Variants in LYPD1 observed in about 807,000 individuals in gnomAD.
LYPD1 encodes the protein LY6/PLAUR domain containing 1, also known as ly6/PLAUR domain-containing protein 1.
In LYPD1, 14 loss-of-function variants were observed where a neutral mutation model predicts 14.2. The observed-to-expected ratio is 0.99, with a 90% CI of 0.65 to 1.54. LYPD1 has a LOEUF of 1.54. LYPD1 is among the 40% of genes most tolerant of loss of function. The pLI, the probability that LYPD1 is intolerant of heterozygous loss-of-function variation, is 0.00. For synonymous variants in LYPD1, 85 were observed against 70.6 expected (o/e 1.20, Z -1.02); for missense variants, 165 against 175.7 (o/e 0.94, Z 0.34).
At chr2:132,655,036 T>C (rs1682508370) in intron 2 of LYPD1, among the ~76,000 whole-genome samples, 1 of 152,048 alleles carries the variant, frequency 6.6e-6, no homozygotes, top group African/African-American at 2.4e-5. Flanking sequence ...CCGGCCTCTC[T>C]CTCCCTTTTT....
chr2:132,669,259 C>G lies in LYPD1; in HGVS notation c.52+622G>C, dbSNP rs184871335. Among the ~76,000 whole-genome samples, 5 of 152,168 alleles carry G rather than the reference C, an allele frequency of 3.3e-5. No individual in the cohort carries two copies. Among genetic ancestry groups the G allele is most frequent in the Admixed American group, 3.3e-4 (5 of 15,278 alleles). On this transcript the variant is annotated intron_variant, in intron 1 of 2. Transcript: ENST00000397463. The surrounding 1 kb of genome is among the most constrained non-coding windows in gnomAD (Gnocchi z 4.3). The stretch of plus-strand genomic sequence containing the variant: ...GGCCCCGGCTTTCAGGACAACCGTT[C>G]GACTAGGGTCAGTGGTCGGGGTTCC...
At chr2:132,657,290 T>G (rs1235389790) in intron 2 of LYPD1, among the ~76,000 whole-genome samples, 1 of 152,222 alleles carries the variant, frequency 6.6e-6, no homozygotes, top group Non-Finnish European at 1.5e-5. Flanking sequence ...TCACTTGCTT[T>G]CCCTTAGCTG....
intron 2 of LYPD1, among the ~76,000 whole-genome samples, chr2:132,653,382 T>C (rs555622858): frequency 6.6e-6 from 1 of 152,308 alleles, no homozygotes; most frequent in Admixed American, 6.5e-5. Context: ...TAAATAATGA[T>C]AGTATTGGAT....
intron 2 of LYPD1, among the ~76,000 whole-genome samples, chr2:132,654,437 A>C (rs560133391): frequency 6.6e-6 from 1 of 151,680 alleles, no homozygotes; most frequent in Admixed American, 6.6e-5. Flanking sequence ...TGTGGGAAAA[A>C]TCTCCATGTT....
At chr2:132,671,058 G>GATT (rs1248660280), upstream of LYPD1, 1 of 152,536 alleles carries the variant, frequency 6.6e-6, no homozygotes, top group Non-Finnish European at 1.5e-5. Context: ...CAAAGCCACC[G>GATT]ATTATTAGCA....
At chr2:132,663,687 T>A (rs904130141) in intron 2 of LYPD1, among the ~76,000 whole-genome samples, 1 of 152,170 alleles carries the variant, frequency 6.6e-6, no homozygotes, top group Non-Finnish European at 1.5e-5. Flanking sequence ...CCCATCTGAT[T>A]GATTCAAAAT....
In LYPD1 at chr2:132,646,238, A is replaced by G; in HGVS notation, c.233T>C (p.Leu78Pro). The change falls in exon 3 of 3, where the codon CTC (leucine) becomes CCC (proline). Residue 78 changes from leucine (L) to proline (P), a missense_variant. Physicochemically the swap from Leu to Pro is moderately conservative, Grantham distance 98. Transcript: ENST00000397463. Reference protein sequence around the residue: ...RKSCASSAACLIASAGYQSFC... With the variant: ...RKSCASSAACPIASAGYQSFC... ...GGACTGGTACCCGGCAGAGGCGATG[A>G]GACAGGCCGCTGATGATGCACAGGA... 6.3e-7 allele frequency: 1 copy of G among 1,584,824 alleles called. No individual in the cohort carries two copies. The highest frequency in any genetic ancestry group is 1.2e-5 in the South Asian group (1 of 86,666).
At position 132,646,256 on chromosome 2, in the gene LYPD1, G is replaced by A; in HGVS notation, c.215C>T (p.Ala72Val). ...SAGIMYRKSC[A>V]SSAACLIASA... ...GGCGATGAGACAGGCCGCTGATGAT[G>A]CACAGGACTTGCGGTACATGATCCC... Residue 72 changes from alanine (A) to valine (V), a missense_variant, in exon 3 of 3, where the codon GCA becomes GTA. Physicochemically the swap from Ala to Val is moderately conservative, Grantham distance 64. Transcript: ENST00000397463. 1.3e-6 allele frequency: 2 copies of A among 1,566,064 alleles called. No homozygotes were observed. The highest frequency in any genetic ancestry group is 1.7e-6 in the Non-Finnish European group (2 of 1,153,016).
Position 132,669,675 on chromosome 2 carries a change from C to T in LYPD1, c.52+206G>A, listed in dbSNP as rs1321049109. 2.0e-5 allele frequency among the ~76,000 whole-genome samples: 3 copies of T among 152,090 alleles called. No homozygotes were observed. The highest frequency in any genetic ancestry group is 7.2e-5 in the African/African-American group (3 of 41,430). ...GCTGCAGCCCGGAGTCCCGCAAACC[C>T]GCCGCTCCCCGCTCTCCTCCTGCAG... On this transcript the variant is annotated intron_variant, in intron 1 of 2. Transcript: ENST00000397463. This position sits in a 1 kb window ranked among gnomAD's most constrained non-coding sequence, Gnocchi z 4.3.
upstream of LYPD1, chr2:132,670,253 C>T (rs1683609308): frequency 3.5e-6 from 2 of 569,012 alleles, no homozygotes; most frequent in African/African-American, 2.0e-5. The surrounding 1 kb of genome is among the most constrained non-coding windows in gnomAD (Gnocchi z 4.5). Flanking sequence ...CTTTTCTCCC[C>T]ACCTCCCACT....
upstream of LYPD1, among the ~76,000 whole-genome samples, chr2:132,670,733 T>C (rs1683657427): frequency 6.6e-6 from 1 of 152,008 alleles, no homozygotes; most frequent in African/African-American, 2.4e-5. This position sits in a 1 kb window ranked among gnomAD's most constrained non-coding sequence, Gnocchi z 4.5. Flanking sequence ...CCGTAGGGTG[T>C]CCTGTGCAGC....
chr2:132,648,790 G>T (rs1038664996), intron 2 of LYPD1, among the ~76,000 whole-genome samples: 8 of 152,132 alleles, frequency 5.3e-5, no homozygotes, highest in African/African-American at 1.7e-4. Context: ...GGGGAAGGTT[G>T]ACAGCTCCAT....
chr2:132,662,867 T>C (rs911457675), intron 2 of LYPD1, among the ~76,000 whole-genome samples: 6 of 152,166 alleles, frequency 3.9e-5, no homozygotes, highest in Non-Finnish European at 7.3e-5. Flanking sequence ...GAGAGCTGGA[T>C]CAATCTTCAA....
rs539817190 is a variant in LYPD1, at chr2:132,657,160, GC to G, written c.191-10881del. On this transcript the variant is annotated intron_variant, in intron 2 of 2. Transcript: ENST00000397463. ...AACCACTGATGTCAACTTAATTATA[GC>G]AAGCAAACAACCAACCCATAATGTA... 2.4e-4 allele frequency among the ~76,000 whole-genome samples: 36 copies of G among 152,302 alleles called. 1 individual carries two copies. The highest frequency in any genetic ancestry group is 7.2e-4 in the Admixed American group (11 of 15,296).
At chr2:132,668,353 C>T in intron 2 of LYPD1, 47 bp downstream of exon 2, 1 of 1,553,832 alleles carries the variant, frequency 6.4e-7, no homozygotes, top group East Asian at 2.4e-5. Flanking sequence ...CACTCCCACC[C>T]CACAGCCCAG....
Position 132,645,123 on chromosome 2 carries a change from C to A in LYPD1, c.*922G>T, listed in dbSNP as rs151118262. 271 of 1,613,420 alleles carry A rather than the reference C, an allele frequency of 1.7e-4. 1 individual carries two copies. In the African/African-American group the frequency reaches 2.9e-3, roughly 17 times the overall value. ...CAGGGCTGATTGTTGTGACATTGGC[C>A]GTATGCTGGATGCCCAACCAGATTC... On this transcript the variant is annotated 3_prime_UTR_variant, in exon 3 of 3. Transcript: ENST00000397463.
chr2:132,644,365 G>A lies in LYPD1; in HGVS notation c.*1680C>T, dbSNP rs879459861. Among the ~76,000 whole-genome samples, 1 of 152,206 alleles carries A rather than the reference G, an allele frequency of 6.6e-6. No individual in the cohort carries two copies. Among genetic ancestry groups the A allele is most frequent in the Non-Finnish European group, 1.5e-5 (1 of 68,030 alleles). On this transcript the variant is annotated 3_prime_UTR_variant, in exon 3 of 3. Transcript: ENST00000397463. The stretch of plus-strand genomic sequence containing the variant: ...TCAGTGCTGCAAAGGAAGGGAACAT[G>A]TTACTGGCTGAACTAGAAGGAAGTT...
At chr2:132,653,868 C>A (rs566656835) in intron 2 of LYPD1, among the ~76,000 whole-genome samples, 6 of 152,282 alleles carry the variant, frequency 3.9e-5, no homozygotes, top group Non-Finnish European at 7.3e-5. Flanking sequence ...AAACAGCAGA[C>A]AATCCCAAAC....
chr2:132,658,783 T>C (rs961876451), intron 2 of LYPD1, among the ~76,000 whole-genome samples: 9 of 152,186 alleles, frequency 5.9e-5, no homozygotes, highest in African/African-American at 2.2e-4. Context: ...GCATCTTCTG[T>C]GTGGGTGAGG....
Sources: allele counts gnomAD v4.1 joint callset (sites outside exome capture counted in the v4.1 genomes callset), GRCh38; gene constraint gnomAD v4.1.1; non-coding constraint Gnocchi (gnomAD v3.1); transcripts MANE v1.5; gene names NCBI Gene and HGNC (gene_info 2026-07-23, HGNC 2026-07-21).